Variants in DPP10 observed in about 807,000 individuals in gnomAD.
DPP10 encodes dipeptidyl peptidase like 10, also known as inactive dipeptidyl peptidase 10.
Under a neutral mutation model 120.9 loss-of-function variants are expected in DPP10, and 33 were observed. That is an observed-to-expected ratio of 0.27 (90% confidence interval 0.21 to 0.37). The LOEUF (loss-of-function observed/expected upper bound fraction) is 0.37. Among genes scored for constraint, DPP10 ranks in the 10% least tolerant of loss-of-function variants. The pLI is 1.00. For missense variants in DPP10, 816 were observed against 942.8 expected, an observed-to-expected ratio of 0.87 and a Z score of 1.76; for synonymous variants, 337 against 326.1, an observed-to-expected ratio of 1.03 and a Z score of -0.36.
At chr2:114,945,194 T>C (rs1433129845) in intron 1 of DPP10, among the ~76,000 whole-genome samples, 1 of 152,234 alleles carries the variant, frequency 6.6e-6, no homozygotes, top group Non-Finnish European at 1.5e-5. Context: ...GGTGATATTT[T>C]AGATACAATA....
At chr2:114,459,461 G>T (rs955480434) in intron 1 of DPP10, among the ~76,000 whole-genome samples, 3 of 152,166 alleles carry the variant, frequency 2.0e-5, no homozygotes, top group Non-Finnish European at 4.4e-5. Context: ...TACTTACAGA[G>T]ACTGGTGTCA....
intron 1 of DPP10, among the ~76,000 whole-genome samples, chr2:114,834,899 C>T (rs1460555494): frequency 1.5e-5 from 2 of 133,868 alleles, no homozygotes; most frequent in East Asian, 4.1e-4. Flanking sequence ...TATATATAAG[C>T]CATATCTACA....
At chr2:115,538,118 A>C (rs2078971788) in intron 5 of DPP10, among the ~76,000 whole-genome samples, 1 of 152,066 alleles carries the variant, frequency 6.6e-6, no homozygotes, top group African/African-American at 2.4e-5. Flanking sequence ...GGTGGGAAGG[A>C]AGCAATGAGG....
At chr2:115,299,459 G>A (rs1185871299) in intron 1 of DPP10, among the ~76,000 whole-genome samples, 1 of 152,012 alleles carries the variant, frequency 6.6e-6, no homozygotes, top group Non-Finnish European at 1.5e-5. Flanking sequence ...GATGATGGAA[G>A]AATTGGCTGT....
chr2:115,121,402 A>G (rs2049817262), intron 1 of DPP10, among the ~76,000 whole-genome samples: 1 of 152,218 alleles, frequency 6.6e-6, no homozygotes, highest in East Asian at 1.9e-4. Flanking sequence ...AGAGAAATTT[A>G]TAACTACTTC....
At chr2:114,913,785 G>C (rs1322991300) in intron 1 of DPP10, among the ~76,000 whole-genome samples, 1 of 152,164 alleles carries the variant, frequency 6.6e-6, no homozygotes. Context: ...AGATTCAGGA[G>C]AGAAATGAAA....
Position 115,086,553 on chromosome 2 carries a change from T to C in DPP10, c.61-222686T>C, listed in dbSNP as rs1573556757. On this transcript the variant is annotated intron_variant, in intron 1 of 25. Coordinates refer to ENST00000410059, the MANE Select transcript of DPP10 (RefSeq NM_020868.6). Reference sequence around the variant, plus strand: ...CTCACTGCAAGCTCCGCCTTCCGGGTTCACACCATTCTCCTGCCTCAGCCT... The same window carrying C: ...CTCACTGCAAGCTCCGCCTTCCGGGCTCACACCATTCTCCTGCCTCAGCCT... Among the ~76,000 whole-genome samples the C allele has an allele frequency of 2.0e-5, 3 of 149,534 alleles. No homozygotes were observed. The Middle Eastern group carries it at 0.011, about 534-fold the overall frequency.
intron 1 of DPP10, among the ~76,000 whole-genome samples, chr2:114,815,358 T>C (rs2106337183): frequency 6.6e-6 from 1 of 152,140 alleles, no homozygotes; most frequent in East Asian, 1.9e-4. Flanking sequence ...CTAGGAAAGG[T>C]AGGAAGTGGC....
At chr2:115,772,859 G>GGCTGA (rs1681640518) in intron 13 of DPP10, among the ~76,000 whole-genome samples, 1 of 152,096 alleles carries the variant, frequency 6.6e-6, no homozygotes, top group Non-Finnish European at 1.5e-5. Context: ...CAGTCGTTCA[G>GGCTGA]ATTCATAGGC....
intron 1 of DPP10, among the ~76,000 whole-genome samples, chr2:115,211,485 A>G (rs553821825): frequency 6.6e-6 from 1 of 152,290 alleles, no homozygotes; most frequent in East Asian, 1.9e-4. Flanking sequence ...TCTACCTTCC[A>G]TCATCAATGC....
At chr2:115,080,779 C>G (rs985913889) in intron 1 of DPP10, among the ~76,000 whole-genome samples, 3 of 152,182 alleles carry the variant, frequency 2.0e-5, no homozygotes, top group Non-Finnish European at 2.9e-5. Flanking sequence ...ATCATTTTCT[C>G]TCTGTCTACA....
intron 17 of DPP10, among the ~76,000 whole-genome samples, chr2:115,788,165 G>A (rs900514963): frequency 3.3e-5 from 5 of 151,978 alleles, no homozygotes; most frequent in African/African-American, 7.2e-5. Context: ...TCCAATTTAC[G>A]TGTAACTACA....
At chr2:115,257,557 A>T (rs1240459549) in intron 1 of DPP10, among the ~76,000 whole-genome samples, 1 of 152,156 alleles carries the variant, frequency 6.6e-6, no homozygotes, top group African/African-American at 2.4e-5. Context: ...AAGCTGTGAA[A>T]GATTCTTCCT....
At chr2:114,810,173 T>C (rs1685062549) in intron 1 of DPP10, among the ~76,000 whole-genome samples, 1 of 152,212 alleles carries the variant, frequency 6.6e-6, no homozygotes, top group Admixed American at 6.5e-5. Context: ...TTTCCACCGT[T>C]TTACTTCTCG....
chr2:115,505,224 TATAA>T (rs930943206), intron 4 of DPP10, among the ~76,000 whole-genome samples: 1 of 151,912 alleles, frequency 6.6e-6, no homozygotes, highest in Non-Finnish European at 1.5e-5. Flanking sequence ...CTAAGTAATA[TATAA>T]ATAAAATTAT....
At chr2:115,069,727 C>T (rs903915829) in intron 1 of DPP10, among the ~76,000 whole-genome samples, 2 of 151,658 alleles carry the variant, frequency 1.3e-5, no homozygotes, top group African/African-American at 2.4e-5. Flanking sequence ...TCTGCTTCCT[C>T]GAATCGCGTG....
At chr2:114,504,737 T>C (rs1683487709) in intron 1 of DPP10, among the ~76,000 whole-genome samples, 1 of 152,154 alleles carries the variant, frequency 6.6e-6, no homozygotes, top group African/African-American at 2.4e-5. Flanking sequence ...TCTAAGGGTC[T>C]CTGGCAGTAC....
At chr2:115,279,456 T>A (rs1002174662) in intron 1 of DPP10, among the ~76,000 whole-genome samples, 1 of 151,986 alleles carries the variant, frequency 6.6e-6, no homozygotes, top group Non-Finnish European at 1.5e-5. Context: ...TTGTTATTGG[T>A]CTCTACCCAA....
At chr2:114,921,246 G>A (rs7422721) in intron 1 of DPP10, among the ~76,000 whole-genome samples, 2 of 152,132 alleles carry the variant, frequency 1.3e-5, no homozygotes, top group Non-Finnish European at 2.9e-5. Context: ...GGGGGACAAA[G>A]CTTGCTGTAA....
Sources: allele counts gnomAD v4.1 joint callset (sites outside exome capture counted in the v4.1 genomes callset), GRCh38; gene constraint gnomAD v4.1.1; transcripts MANE v1.5; gene names NCBI Gene and HGNC (gene_info 2026-07-23, HGNC 2026-07-21).